ZNF134: variants seen among roughly 807,000 people sequenced by gnomAD.
The protein encoded by ZNF134 is zinc finger protein 134 (clone pHZ-15).
Under a neutral mutation model 2.5 loss-of-function variants are expected in ZNF134, and 5 were observed. The ratio of observed to expected loss-of-function variants is 2.03; its 90% CI spans 1.06 to 4.27. ZNF134 has a LOEUF of 4.27. Among genes scored for constraint, ZNF134 ranks in the 30% most tolerant of loss-of-function variants. The pLI is 0.00. For missense variants in ZNF134, 540 were observed against 517.5 expected, an observed-to-expected ratio of 1.04 and a Z score of -0.42; for synonymous variants, 176 against 176.2, an observed-to-expected ratio of 1.00 and a Z score of 0.01.
rs1211067776 is a variant in ZNF134, at chr19:57,622,425, G to T, written c.*1022G>T. 1 of 152,268 alleles carries T rather than the reference G, an allele frequency of 6.6e-6. No homozygotes were observed. The highest frequency in any genetic ancestry group is 1.5e-5 in the Non-Finnish European group (1 of 68,100). The allele number at this position is 152,268 out of a possible 1,614,324, so 9.4% of individuals were successfully genotyped here. On this transcript the variant is annotated 3_prime_UTR_variant, in exon 3 of 3. Transcript: ENST00000396161. ...GTGAGTAATTGGGATTGGGGAGATTGTGGCAAACTAGAGGGGAAGTGCCCA... is the reference window on the plus strand; with the variant it reads ...GTGAGTAATTGGGATTGGGGAGATTTTGGCAAACTAGAGGGGAAGTGCCCA...
chr19:57,616,830 C>CA (rs1227454273), intron 1 of ZNF134, among the ~76,000 whole-genome samples: 1 of 152,160 alleles, frequency 6.6e-6, no homozygotes, highest in African/African-American at 2.4e-5. Flanking sequence ...CTTAGCCCAA[C>CA]ACACCCCCAT....
At chr19:57,619,384 C>A in intron 1 of ZNF134, 28 bp from the exon 2 acceptor site, 1 of 1,531,256 alleles carries the variant, frequency 6.5e-7, no homozygotes, top group Non-Finnish European at 8.9e-7. Flanking sequence ...GCCTGTTTCA[C>A]CTTTCCCCTA....
Position 57,623,325 on chromosome 19 carries a change from C to A in ZNF134, c.*1922C>A, listed in dbSNP as rs1981285437. ...TCTTAATTGATGTCTGTACTCCACC[C>A]CCATTTTTAAATATTAAAAAGCTGC... On this transcript the variant is annotated 3_prime_UTR_variant, in exon 3 of 3. Transcript: ENST00000396161. 6.6e-6 allele frequency: 1 copy of A among 152,066 alleles called. No homozygotes were observed. Among genetic ancestry groups the A allele is most frequent in the South Asian group, 2.1e-4 (1 of 4,816 alleles). The allele number at this position is 152,066 out of a possible 1,614,324, so 9.4% of individuals were successfully genotyped here.
At position 57,614,311 on chromosome 19, in the gene ZNF134, G is replaced by T; in HGVS notation, c.-250G>T. 1 of 453,498 alleles carries T rather than the reference G, an allele frequency of 2.2e-6. No homozygotes were observed. Among genetic ancestry groups the T allele is most frequent in the Non-Finnish European group, 4.4e-6 (1 of 225,768 alleles). The allele number at this position is 453,498 out of a possible 1,614,324, so 28.1% of individuals were successfully genotyped here. ...AAGCTCGGGGTTGCTGGGCGGTTCCGAGGTGACGGAAGCGGGAGGGTGCGG... is the reference window on the plus strand; with the variant it reads ...AAGCTCGGGGTTGCTGGGCGGTTCCTAGGTGACGGAAGCGGGAGGGTGCGG... On this transcript the variant is annotated 5_prime_UTR_variant, in exon 1 of 3. Transcript: ENST00000396161.
chr19:57,617,322 G>C, intron 1 of ZNF134, among the ~76,000 whole-genome samples: 1 of 152,216 alleles, frequency 6.6e-6, no homozygotes, highest in South Asian at 2.1e-4. Flanking sequence ...AACAGTTCAG[G>C]TTGGACCAGA....
intron 1 of ZNF134, among the ~76,000 whole-genome samples, chr19:57,616,219 T>C (rs1409087119): frequency 6.6e-6 from 1 of 152,216 alleles, no homozygotes; most frequent in African/African-American, 2.4e-5. Context: ...GAGGAATATG[T>C]ATCAGGTAGG....
At chr19:57,614,601 C>A in intron 1 of ZNF134, 98 bp downstream of exon 1, 1 of 328,232 alleles carries the variant, frequency 3.0e-6, no homozygotes, top group East Asian at 1.0e-4. Flanking sequence ...CCCCAGTGTC[C>A]AAGGCAGCGG....
intron 1 of ZNF134, among the ~76,000 whole-genome samples, chr19:57,616,730 A>G (rs1162860249): frequency 6.6e-6 from 1 of 152,066 alleles, no homozygotes; most frequent in African/African-American, 2.4e-5. Context: ...GGAACCTGCC[A>G]CTCCCAGCTT....
At position 57,620,996 on chromosome 19, in the gene ZNF134, T is replaced by C; in HGVS notation, c.877T>C (p.Cys293Arg). The C allele has an allele frequency of 1.9e-6, 3 of 1,614,226 alleles. No homozygotes were observed. The highest frequency in any genetic ancestry group is 2.5e-6 in the Non-Finnish European group (3 of 1,180,028). Reference sequence around the variant, plus strand: ...AGCAAGGCCTTATAAGTGCAGTGATTGTGGGAAAGTCTTCAGACACAAATC... The same window carrying C: ...AGCAAGGCCTTATAAGTGCAGTGATCGTGGGAAAGTCTTCAGACACAAATC... The part of the protein sequence containing the change: ...NGARPYKCSD[C>R]GKVFRHKSTL... The change falls in exon 3 of 3, where the codon TGT (cysteine) becomes CGT (arginine). Residue 293 changes from cysteine (C) to arginine (R), a missense_variant. Cys to Arg is a radical substitution (Grantham distance 180). Transcript: ENST00000396161.
chr19:57,614,386 C>T lies in ZNF134; in HGVS notation c.-175C>T, dbSNP rs1980990661. ...AGTGGCTCGCCAGCGAAGACCCCGC[C>T]TGCGCCCCCGGGGACGGACGACCGC... On this transcript the variant is annotated 5_prime_UTR_variant, in exon 1 of 3. Coordinates refer to ENST00000396161, the MANE Select transcript of ZNF134 (RefSeq NM_003435.5). 2.2e-6 allele frequency: 1 copy of T among 453,490 alleles called. No homozygotes were observed. The highest frequency in any genetic ancestry group is 2.0e-5 in the African/African-American group (1 of 49,864). 28.1% of individuals were successfully genotyped at this position (453,490 alleles called of 1,614,324 possible). A position where few individuals can be genotyped will look rare whatever the true frequency, so the allele number is the denominator to read the frequency against.
intron 2 of ZNF134, 29 bp from the exon 3 acceptor site, chr19:57,620,131 G>T (rs983152285): frequency 1.9e-6 from 3 of 1,594,864 alleles, no homozygotes; most frequent in Admixed American, 3.4e-5. Flanking sequence ...AAGTCAGCAT[G>T]TACATCAATA....
chr19:57,623,081 T>C lies in ZNF134; in HGVS notation c.*1678T>C, dbSNP rs1164808225. On this transcript the variant is annotated 3_prime_UTR_variant, in exon 3 of 3. Coordinates refer to ENST00000396161, the MANE Select transcript of ZNF134 (RefSeq NM_003435.5). ...AGGCCCTTAACCTTTCTCTCAGTGCTCGCCTTCCCCCAGAATCCCTAGGCA... is the reference window on the plus strand; with the variant it reads ...AGGCCCTTAACCTTTCTCTCAGTGCCCGCCTTCCCCCAGAATCCCTAGGCA... 6.6e-6 allele frequency: 1 copy of C among 152,120 alleles called. No individual in the cohort carries two copies. The highest frequency in any genetic ancestry group is 1.9e-4 in the East Asian group (1 of 5,188). The allele number at this position is 152,120 out of a possible 1,614,324, so 9.4% of individuals were successfully genotyped here. A position where few individuals can be genotyped will look rare whatever the true frequency, so the allele number is the denominator to read the frequency against.
Position 57,614,331 on chromosome 19 carries a change from G to C in ZNF134, c.-230G>C, listed in dbSNP as rs2123473993. The C allele has an allele frequency of 4.4e-6, 2 of 454,678 alleles. No homozygotes were observed. Among genetic ancestry groups the C allele is most frequent in the Admixed American group, 4.7e-5 (2 of 42,486 alleles). 28.2% of individuals were successfully genotyped at this position (454,678 alleles called of 1,614,324 possible). A position where few individuals can be genotyped will look rare whatever the true frequency, so the allele number is the denominator to read the frequency against. On this transcript the variant is annotated 5_prime_UTR_variant, in exon 1 of 3. Coordinates refer to ENST00000396161, the MANE Select transcript of ZNF134 (RefSeq NM_003435.5). ...GTTCCGAGGTGACGGAAGCGGGAGG[G>C]TGCGGGAGAAGTCGCTGTTCGCTCT...
Position 57,623,863 on chromosome 19 carries a change from A to G in ZNF134, c.*2460A>G, listed in dbSNP as rs1037665040. The G allele has an allele frequency of 1.3e-5, 2 of 152,240 alleles. No individual in the cohort carries two copies. The highest frequency in any genetic ancestry group is 2.9e-5 in the Non-Finnish European group (2 of 68,024). 9.4% of individuals were successfully genotyped at this position (152,240 alleles called of 1,614,324 possible). On this transcript the variant is annotated 3_prime_UTR_variant, in exon 3 of 3. Transcript: ENST00000396161. ...AATGTTGTGAATTTCAGTGATGTAC[A>G]GGAGACTCACAAAATTCTTGAAAAT... is the stretch of plus-strand genomic sequence containing the variant.
At chr19:57,619,923 G>A (rs932942813) in intron 2 of ZNF134, among the ~76,000 whole-genome samples, 3 of 152,194 alleles carry the variant, frequency 2.0e-5, no homozygotes, top group Non-Finnish European at 4.4e-5. Flanking sequence ...AGAGGATTAA[G>A]TTGGAGACCT....
Position 57,622,958 on chromosome 19 carries a change from TACAC to T in ZNF134, c.*1590_*1593del, listed in dbSNP as rs3054108. 0.058 allele frequency: 8,525 copies of T among 146,982 alleles called. 296 individuals carry two copies. The highest frequency in any genetic ancestry group is 0.078 in the African/African-American group (3,131 of 40,104). 9.1% of individuals were successfully genotyped at this position (146,982 alleles called of 1,614,324 possible). A position where few individuals can be genotyped will look rare whatever the true frequency, so the allele number is the denominator to read the frequency against. On this transcript the variant is annotated 3_prime_UTR_variant, in exon 3 of 3. Transcript: ENST00000396161. ...TTAAAGTGTACGAGTTAAGTCTTGATACACACACACACACACACACACACACACA... is the reference window on the plus strand; with the variant it reads ...TTAAAGTGTACGAGTTAAGTCTTGATACACACACACACACACACACACACA...
Position 57,621,092 on chromosome 19 carries a change from T to TA in ZNF134, c.973_974insA (p.Phe325TyrfsTer9), listed in dbSNP as rs749745214. 8 of 1,614,224 alleles carry TA rather than the reference T, an allele frequency of 5.0e-6. No homozygotes were observed. The South Asian group carries it at 8.8e-5, about 18-fold the overall frequency. On this transcript the variant is annotated frameshift_variant, in exon 3 of 3. Coordinates refer to ENST00000396161, the MANE Select transcript of ZNF134 (RefSeq NM_003435.5). LOFTEE classifies it low-confidence loss of function (END_TRUNC). Reference sequence around the variant, plus strand: ...TGATTGCAGTGATTGTGGGAAATCCTTTGGCCACAAATACACCCTCATTAA... The same window carrying TA: ...TGATTGCAGTGATTGTGGGAAATCCTATTGGCCACAAATACACCCTCATTAA...
At position 57,620,903 on chromosome 19, in the gene ZNF134, T is replaced by C; in HGVS notation, c.784T>C (p.Cys262Arg). The C allele has an allele frequency of 6.2e-7, 1 of 1,614,232 alleles. No homozygotes were observed. The highest frequency in any genetic ancestry group is 2.2e-5 in the East Asian group (1 of 44,880). ...RIHTGEMPYK[C>R]NECGKYFSHH... The stretch of plus-strand genomic sequence containing the variant: ...CCACACTGGAGAAATGCCTTATAAG[T>C]GCAATGAATGTGGGAAATATTTTAG... The change falls in exon 3 of 3, where the codon TGC (cysteine) becomes CGC (arginine). Residue 262 changes from cysteine to arginine, a missense_variant. Cys to Arg is a radical substitution (Grantham distance 180, BLOSUM62 -3). Transcript: ENST00000396161.
At chr19:57,617,536 A>G (rs1250544154) in intron 1 of ZNF134, among the ~76,000 whole-genome samples, 2 of 152,208 alleles carry the variant, frequency 1.3e-5, no homozygotes, top group African/African-American at 4.8e-5. Context: ...CAGAGGTAAT[A>G]TCAGGAGTGC....
Sources: gnomAD v4.1 joint callset for allele counts (sites outside exome capture counted in the v4.1 genomes callset) on GRCh38, gnomAD v4.1.1 for gene constraint, MANE v1.5 for transcripts, NCBI Gene and HGNC (gene_info 2026-07-23, HGNC 2026-07-21) for gene names.